The following LRP1B variants were observed in gnomAD, a reference collection of about 807,000 sequenced individuals.
LRP1B encodes the protein low-density lipoprotein receptor-related protein 1B.
Under a neutral mutation model 556.6 loss-of-function variants are expected in LRP1B, and 217 were observed. The ratio of observed to expected loss-of-function variants is 0.39; its 90% CI spans 0.35 to 0.44. The LOEUF (loss-of-function observed/expected upper bound fraction) is 0.44, where lower values mean the gene tolerates loss of function less well. LRP1B is among the 20% of genes least tolerant of loss of function. The pLI is 1.00. For synonymous variants in LRP1B, 2,047 were observed against 1,865.8 expected (o/e 1.10, Z -2.50); for missense variants, 5,053 against 5,620.8 (o/e 0.90, Z 3.23).
intron 3 of LRP1B, among the ~76,000 whole-genome samples, chr2:141,329,777 T>G (rs1687574252): frequency 6.6e-6 from 1 of 152,178 alleles, no homozygotes; most frequent in Admixed American, 6.5e-5. Flanking sequence ...AAATATCATC[T>G]GGATATATGG....
At chr2:141,262,991 T>C (rs910823620) in intron 3 of LRP1B, among the ~76,000 whole-genome samples, 2 of 151,962 alleles carry the variant, frequency 1.3e-5, no homozygotes, top group African/African-American at 4.8e-5. Flanking sequence ...GATATTGACA[T>C]CTTAACACTA....
At chr2:141,409,123 A>AAT (rs1306623672) in intron 3 of LRP1B, among the ~76,000 whole-genome samples, 2 of 152,210 alleles carry the variant, frequency 1.3e-5, no homozygotes, top group Non-Finnish European at 2.9e-5. Flanking sequence ...ATGGTATACT[A>AAT]ATATCTATCA....
chr2:140,748,591 G>GTGTATATATATATATATATATA (rs1361412390), intron 35 of LRP1B, among the ~76,000 whole-genome samples: 1 of 73,330 alleles, frequency 1.4e-5, no homozygotes, highest in African/African-American at 5.4e-5. Flanking sequence ...TATACAGTGT[G>GTGTATATATATATATATATATA]TATATATATA....
intron 42 of LRP1B, among the ~76,000 whole-genome samples, chr2:140,600,280 A>G (rs1346295810): frequency 6.6e-6 from 1 of 152,120 alleles, no homozygotes; most frequent in African/African-American, 2.4e-5. Context: ...GTGTTGGGGT[A>G]AATGCAGCTG....
At chr2:140,805,673 T>C (rs956821422) in intron 32 of LRP1B, among the ~76,000 whole-genome samples, 1 of 152,198 alleles carries the variant, frequency 6.6e-6, no homozygotes, top group Non-Finnish European at 1.5e-5. Flanking sequence ...AACTAAATCC[T>C]ATTTTATTTA....
chr2:141,177,783 T>C (rs1034123219), intron 7 of LRP1B, among the ~76,000 whole-genome samples: 18 of 152,130 alleles, frequency 1.2e-4, no homozygotes, highest in South Asian at 2.1e-4. Flanking sequence ...CTAATACTTC[T>C]AATACCTGAA....
intron 2 of LRP1B, among the ~76,000 whole-genome samples, chr2:141,659,562 A>C (rs745470554): frequency 2.7e-4 from 41 of 152,080 alleles, no homozygotes; most frequent in Non-Finnish European, 5.9e-4. Context: ...GTGGTTACTG[A>C]GGCAAGAAAT....
At chr2:141,830,724 A>C (rs1419446160) in intron 1 of LRP1B, among the ~76,000 whole-genome samples, 2 of 151,804 alleles carry the variant, frequency 1.3e-5, no homozygotes, top group Non-Finnish European at 3.0e-5. Context: ...TTATATTTAC[A>C]TAAATTTTAA....
chr2:141,040,630 C>T (rs758682332), intron 11 of LRP1B, among the ~76,000 whole-genome samples: 7 of 151,766 alleles, frequency 4.6e-5, no homozygotes, highest in Non-Finnish European at 7.4e-5. Context: ...TGTGTGTGCG[C>T]ACATGTGTAT....
At chr2:141,128,529 G>A (rs771410333) in intron 7 of LRP1B, among the ~76,000 whole-genome samples, 3 of 152,070 alleles carry the variant, frequency 2.0e-5, no homozygotes, top group South Asian at 4.1e-4. Context: ...TTCTTCCAAC[G>A]CACCAAGTTT....
rs116413960 is a variant in LRP1B, at chr2:140,235,664, G to A, written c.13561-780C>T. On this transcript the variant is annotated intron_variant, in intron 89 of 90. Coordinates refer to ENST00000389484, the MANE Select transcript of LRP1B (RefSeq NM_018557.3). ...TAAATATTTGAGTATTATGTTCTAAGTACATTAAAATATATTTGGGGGCAC... is the reference window on the plus strand; with the variant it reads ...TAAATATTTGAGTATTATGTTCTAAATACATTAAAATATATTTGGGGGCAC... Among the ~76,000 whole-genome samples the A allele has an allele frequency of 2.8e-3, 426 of 151,090 alleles. 2 individuals carry two copies. The highest frequency in any genetic ancestry group is 9.4e-3 in the African/African-American group (387 of 41,388).
chr2:141,045,388 T>G (rs990401515), intron 11 of LRP1B, among the ~76,000 whole-genome samples: 5 of 151,320 alleles, frequency 3.3e-5, no homozygotes, highest in Non-Finnish European at 5.9e-5. Context: ...ACCTGCACAA[T>G]GTGCACATGT....
At chr2:140,964,650 G>A (rs1696144552) in intron 18 of LRP1B, among the ~76,000 whole-genome samples, 1 of 151,010 alleles carries the variant, frequency 6.6e-6, no homozygotes, top group Non-Finnish European at 1.5e-5. Context: ...CCTAGGCTAT[G>A]ATTATTGAGT....
chr2:141,567,858 T>C (rs1009461215), intron 2 of LRP1B, among the ~76,000 whole-genome samples: 3 of 146,494 alleles, frequency 2.0e-5, no homozygotes, highest in African/African-American at 4.9e-5. Context: ...TGGATTTATA[T>C]TGGAAACAGT....
At chr2:141,124,020 GGA>G (rs1701133767) in intron 7 of LRP1B, among the ~76,000 whole-genome samples, 1 of 151,962 alleles carries the variant, frequency 6.6e-6, no homozygotes, top group African/African-American at 2.4e-5. Context: ...TGAATAAGAG[GGA>G]GAGAGAATAT....
intron 84 of LRP1B, among the ~76,000 whole-genome samples, chr2:140,287,731 T>C (rs915726368): frequency 6.6e-6 from 1 of 151,542 alleles, no homozygotes; most frequent in Admixed American, 6.6e-5. Flanking sequence ...CCTATTCCCA[T>C]GGTGCTCTGT....
In LRP1B at chr2:140,233,307, G is replaced by T; in HGVS notation, c.13679C>A (p.Pro4560Gln). 1 of 1,590,724 alleles carries T rather than the reference G, an allele frequency of 6.3e-7. No individual in the cohort carries two copies. Among genetic ancestry groups the T allele is most frequent in the South Asian group, 1.1e-5 (1 of 87,354 alleles). Residue 4560 changes from proline to glutamine, a missense_variant, in exon 91 of 91, where the codon CCG (proline) becomes CAG (glutamine). Physicochemically the swap from Pro to Gln is moderately conservative, Grantham distance 76 (BLOSUM62 -1). This residue lies in a region of LRP1B where 551 missense variants were observed against 592.0 expected (regional missense o/e 0.93). Transcript: ENST00000389484. ...LTAGPTNYSNPVYAKLYMDGQ... is the reference protein window; with the variant it reads ...LTAGPTNYSNQVYAKLYMDGQ... ...ATCCATATATAATTTTGCATATACC[G>T]GATTGGAGTAATTTGTTGGCTGAAG...
chr2:141,136,475 C>T (rs1240702558), intron 7 of LRP1B, among the ~76,000 whole-genome samples: 2 of 151,552 alleles, frequency 1.3e-5, no homozygotes, highest in African/African-American at 4.8e-5. Flanking sequence ...TTTTAAAAGA[C>T]AGTTTTATTT....
intron 2 of LRP1B, among the ~76,000 whole-genome samples, chr2:141,708,860 C>A (rs1454847997): frequency 6.6e-6 from 1 of 152,124 alleles, no homozygotes; most frequent in Non-Finnish European, 1.5e-5. Context: ...AAGCAGCAGC[C>A]ATCTGCAAGC....
Sources: allele counts gnomAD v4.1 joint callset (sites outside exome capture counted in the v4.1 genomes callset), GRCh38; gene constraint gnomAD v4.1.1; regional missense constraint gnomAD v4.1.1; transcripts MANE v1.5; gene names NCBI Gene and HGNC (gene_info 2026-07-23, HGNC 2026-07-21).